The following DHRSX variants were observed in gnomAD, a reference collection of about 807,000 sequenced individuals.
DHRSX encodes dehydrogenase/reductase X-linked, also known as polyprenol dehydrogenase.
Under a neutral mutation model 34.0 loss-of-function variants are expected in DHRSX, and 31 were observed. The observed-to-expected ratio is 0.91, with a 90% CI of 0.69 to 1.23. DHRSX has a LOEUF of 1.23. Ranked by LOEUF, DHRSX falls within the 50% of genes most tolerant of loss-of-function variation. The pLI is 0.00. For synonymous variants in DHRSX, 201 were observed against 183.8 expected, an observed-to-expected ratio of 1.09 and a Z score of -0.76; for missense variants, 414 against 428.1, an observed-to-expected ratio of 0.97 and a Z score of 0.29.
rs1191716751 is a variant in DHRSX, at chrX:2,299,014, A to AAAAAAAAAAAAAAAAAT, written c.287-7412_287-7411insATTTTTTTTTTTTTTTT. Among the ~76,000 whole-genome samples the AAAAAAAAAAAAAAAAAT allele has an allele frequency of 1.5e-5, 2 of 131,548 alleles. 1 individual carries two copies. Among genetic ancestry groups the AAAAAAAAAAAAAAAAAT allele is most frequent in the Non-Finnish European group, 3.1e-5 (2 of 63,710 alleles). 86.3% of individuals were successfully genotyped at this position (131,548 alleles called of 152,430 possible). A position where few individuals can be genotyped will look rare whatever the true frequency, so the allele number is the denominator to read the frequency against. On this transcript the variant is annotated intron_variant, in intron 3 of 6. Transcript: ENST00000334651. ...AAAAAAAAAAAAAAAAAAAAAAAAA[A>AAAAAAAAAAAAAAAAAT]TGGGAAAAATGTGGAAGGATTCCTT...
intron 1 of DHRSX, among the ~76,000 whole-genome samples, chrX:2,441,584 C>A (rs910805198): frequency 6.6e-6 from 1 of 152,108 alleles, no homozygotes; most frequent in Admixed American, 6.6e-5. Flanking sequence ...GACATGATGT[C>A]GCAGCTCAAG....
chrX:2,276,270 T>C (rs1308389078), intron 4 of DHRSX, among the ~76,000 whole-genome samples: 3 of 152,218 alleles, frequency 2.0e-5, no homozygotes, highest in Non-Finnish European at 2.9e-5. Context: ...TGATGTTTCA[T>C]TGCGAATTTT....
intron 3 of DHRSX, among the ~76,000 whole-genome samples, chrX:2,327,738 A>G (rs1352648330): frequency 6.6e-6 from 1 of 152,148 alleles, no homozygotes; most frequent in Non-Finnish European, 1.5e-5. Context: ...AAGGTAAAAC[A>G]AAGTCACCAG....
At chrX:2,490,510 G>A in intron 1 of DHRSX, 1 of 1,613,990 alleles carries the variant, frequency 6.2e-7, no homozygotes, top group Non-Finnish European at 8.5e-7. Context: ...CCTCGGGGTG[G>A]TTCTTCTCCA....
At chrX:2,428,115 G>A (rs2043872060) in intron 1 of DHRSX, among the ~76,000 whole-genome samples, 1 of 152,128 alleles carries the variant, frequency 6.6e-6, no homozygotes, top group African/African-American at 2.4e-5. Context: ...GTCTCACAGG[G>A]TGGGATGGGA....
intron 2 of DHRSX, among the ~76,000 whole-genome samples, chrX:2,418,694 G>A (rs781501325): frequency 6.6e-6 from 1 of 152,180 alleles, no homozygotes; most frequent in East Asian, 1.9e-4. Flanking sequence ...AAGCCACTAG[G>A]CTCACATCCA....
intron 5 of DHRSX, among the ~76,000 whole-genome samples, chrX:2,252,517 C>G (rs2016456506): frequency 6.6e-6 from 1 of 152,258 alleles, no homozygotes; most frequent in South Asian, 2.1e-4. Context: ...GGTTCTGAAT[C>G]TCCAGCATTT....
chrX:2,312,999 G>GATAT (rs199745375), intron 3 of DHRSX, among the ~76,000 whole-genome samples: 5 of 116,010 alleles, frequency 4.3e-5, no homozygotes, highest in African/African-American at 1.9e-4. Context: ...CCAGCTTCAA[G>GATAT]ATATATATTT....
chrX:2,275,147 CTATT>C (rs989837962), intron 4 of DHRSX, among the ~76,000 whole-genome samples: 9 of 151,874 alleles, frequency 5.9e-5, no homozygotes, highest in East Asian at 1.9e-4. Context: ...CAGTAAAATT[CTATT>C]TATTTATTTT....
intron 3 of DHRSX, among the ~76,000 whole-genome samples, chrX:2,332,733 A>G (rs2042495938): frequency 6.6e-6 from 1 of 152,216 alleles, no homozygotes; most frequent in Non-Finnish European, 1.5e-5. Flanking sequence ...AATCTTCGAC[A>G]AGAAGATTTC....
chrX:2,434,060 G>C (rs2043963271), intron 1 of DHRSX, among the ~76,000 whole-genome samples: 1 of 152,030 alleles, frequency 6.6e-6, no homozygotes, highest in African/African-American at 2.4e-5. Context: ...TTACAGGCGT[G>C]AGCCACCGCG....
At chrX:2,418,260 T>A (rs2043720958) in intron 2 of DHRSX, among the ~76,000 whole-genome samples, 1 of 152,176 alleles carries the variant, frequency 6.6e-6, no homozygotes, top group African/African-American at 2.4e-5. Context: ...CAAGACTTCA[T>A]TACATTCTAC....
chrX:2,435,343 A>C (rs184904581), intron 1 of DHRSX, among the ~76,000 whole-genome samples: 3 of 152,148 alleles, frequency 2.0e-5, no homozygotes, highest in Admixed American at 2.0e-4. Flanking sequence ...TCCTTGTGAC[A>C]TGGTATTATT....
chrX:2,491,054 C>T (rs2045125724), intron 1 of DHRSX, among the ~76,000 whole-genome samples: 1 of 146,110 alleles, frequency 6.8e-6, no homozygotes, highest in Non-Finnish European at 1.5e-5. Flanking sequence ...CTGTACCTGA[C>T]AAGTGCCTTT....
intron 3 of DHRSX, among the ~76,000 whole-genome samples, chrX:2,318,721 C>T (rs906124044): frequency 6.6e-6 from 1 of 151,910 alleles, no homozygotes; most frequent in Non-Finnish European, 1.5e-5. Flanking sequence ...CCTTGTTTCG[C>T]ACAGAATCAA....
intron 1 of DHRSX, among the ~76,000 whole-genome samples, chrX:2,448,234 A>G (rs1421090123): frequency 1.3e-5 from 2 of 152,058 alleles, no homozygotes; most frequent in African/African-American, 2.4e-5. Context: ...GCTACCTGGG[A>G]GGCTCAGGAG....
chrX:2,479,500 C>CACTG (rs1384045595), intron 1 of DHRSX, among the ~76,000 whole-genome samples: 14 of 151,550 alleles, frequency 9.2e-5, no homozygotes, highest in Non-Finnish European at 1.9e-4. Flanking sequence ...ACCGTGTACG[C>CACTG]ACTGAAGACA....
At chrX:2,344,004 C>T (rs1193114407) in intron 3 of DHRSX, among the ~76,000 whole-genome samples, 2 of 152,050 alleles carry the variant, frequency 1.3e-5, no homozygotes, top group African/African-American at 4.8e-5. Flanking sequence ...AGAATTGCCT[C>T]CTTGAAAACT....
intron 3 of DHRSX, among the ~76,000 whole-genome samples, chrX:2,322,297 T>G (rs2042320953): frequency 6.6e-6 from 1 of 151,974 alleles, no homozygotes; most frequent in African/African-American, 2.4e-5. Flanking sequence ...GCCTGTAATC[T>G]CCACACTTTG....
Sources: allele counts gnomAD v4.1 joint callset (sites outside exome capture counted in the v4.1 genomes callset), GRCh38; gene constraint gnomAD v4.1.1; transcripts MANE v1.5; gene names NCBI Gene and HGNC (gene_info 2026-07-23, HGNC 2026-07-21).